The following THSD7A variants were observed in gnomAD, a reference collection of about 807,000 sequenced individuals.
THSD7A encodes the protein thrombospondin type 1 domain containing 7A, also known as thrombospondin type-1 domain-containing protein 7A.
THSD7A carries 96 observed loss-of-function variants against 231.3 expected under a neutral mutation model. That is an observed-to-expected ratio of 0.41 (90% CI 0.35 to 0.49). The LOEUF (loss-of-function observed/expected upper bound fraction) is 0.49. Ranked by LOEUF, THSD7A falls within the 20% of genes least tolerant of loss-of-function variation. THSD7A has a pLI of 0.05. For synonymous variants in THSD7A, 940 were observed against 743.3 expected, an observed-to-expected ratio of 1.26 and a Z score of -4.30; for missense variants, 2,290 against 2,070.2, an observed-to-expected ratio of 1.11 and a Z score of -2.06.
At chr7:11,564,719 G>T (rs1790231567) in intron 4 of THSD7A, among the ~76,000 whole-genome samples, 1 of 152,070 alleles carries the variant, frequency 6.6e-6, no homozygotes, top group South Asian at 2.1e-4. Flanking sequence ...TATAGAGAAA[G>T]GTCCATATGT....
At chr7:11,805,005 G>C (rs962745385) in intron 1 of THSD7A, among the ~76,000 whole-genome samples, 2 of 152,066 alleles carry the variant, frequency 1.3e-5, no homozygotes, top group African/African-American at 4.8e-5. Flanking sequence ...GTAAAGAGCT[G>C]AAACCTTGCA....
intron 1 of THSD7A, among the ~76,000 whole-genome samples, chr7:11,778,205 C>G (rs958745221): frequency 1.2e-4 from 15 of 125,982 alleles, no homozygotes; most frequent in Non-Finnish European, 1.7e-4. Context: ...GTACTAGAAA[C>G]ATGAACAGAT....
intron 9 of THSD7A, among the ~76,000 whole-genome samples, chr7:11,464,949 A>C (rs1475026315): frequency 6.6e-6 from 1 of 152,194 alleles, no homozygotes; most frequent in Non-Finnish European, 1.5e-5. Context: ...GCAGAAAAAA[A>C]GGAAGCTATA....
chr7:11,552,011 T>G (rs1005739462), intron 4 of THSD7A, among the ~76,000 whole-genome samples: 2 of 152,104 alleles, frequency 1.3e-5, no homozygotes, highest in African/African-American at 4.8e-5. Context: ...TCATGTCCTT[T>G]GCAGCAACAT....
Position 11,411,804 on chromosome 7 carries a change from A to G in THSD7A, c.3683-482T>C, listed in dbSNP as rs117094374. Among the ~76,000 whole-genome samples, 164 of 152,282 alleles carry G rather than the reference A, an allele frequency of 1.1e-3. No homozygotes were observed. In the East Asian group the frequency reaches 0.03, roughly 28 times the overall value. On this transcript the variant is annotated intron_variant, in intron 18 of 27. Coordinates refer to ENST00000423059, the MANE Select transcript of THSD7A (RefSeq NM_015204.3). This position sits in a 1 kb window ranked among gnomAD's most constrained non-coding sequence, Gnocchi z 4.1. ...GCATACGTTTATTAAAGTGATAAAAATCACTTTGGCCATATTTATTCATTC... is the reference window on the plus strand; with the variant it reads ...GCATACGTTTATTAAAGTGATAAAAGTCACTTTGGCCATATTTATTCATTC...
rs1780236646 is a variant in THSD7A at position 11,593,287 on chromosome 7, A to G, written c.1238T>C (p.Leu413Ser). ...CPEFEEKEPCLSQGDGVVPCA... is the reference protein window; with the variant it reads ...CPEFEEKEPCSSQGDGVVPCA... ...GGGGACAACTCCATCTCCTTGAGAC[A>G]AACAGGGTTCTTTTTCTTCAAATTC... Residue 413 changes from leucine to serine, a missense_variant, in exon 3 of 28, where the codon TTG (leucine) becomes TCG (serine). Transcript: ENST00000423059. The G allele has an allele frequency of 6.2e-7, 1 of 1,613,876 alleles. No homozygotes were observed. Among genetic ancestry groups the G allele is most frequent in the Non-Finnish European group, 8.5e-7 (1 of 1,179,892 alleles).
chr7:11,396,643 C>T (rs1209230170), intron 23 of THSD7A, among the ~76,000 whole-genome samples: 2 of 152,120 alleles, frequency 1.3e-5, no homozygotes, highest in African/African-American at 2.4e-5. Flanking sequence ...AATTAGTAGC[C>T]TACCAACCAC....
chr7:11,720,331 T>C (rs1340935971), intron 1 of THSD7A, among the ~76,000 whole-genome samples: 1 of 151,768 alleles, frequency 6.6e-6, no homozygotes, highest in East Asian at 2.0e-4. Context: ...AACTTTTCAT[T>C]GTCACACCTA....
chr7:11,512,009 G>A (rs1787829873), intron 6 of THSD7A, among the ~76,000 whole-genome samples: 1 of 152,138 alleles, frequency 6.6e-6, no homozygotes, highest in Non-Finnish European at 1.5e-5. Flanking sequence ...CCTACAGAAT[G>A]GGAGAAAATT....
At chr7:11,678,685 T>A (rs1783742906) in intron 1 of THSD7A, among the ~76,000 whole-genome samples, 4 of 152,128 alleles carry the variant, frequency 2.6e-5, no homozygotes, top group Admixed American at 2.6e-4. Flanking sequence ...TAACAAGTTC[T>A]GAAATGGGTG....
chr7:11,588,241 C>G (rs1779998977), intron 4 of THSD7A, among the ~76,000 whole-genome samples: 1 of 152,140 alleles, frequency 6.6e-6, no homozygotes, highest in Non-Finnish European at 1.5e-5. Context: ...CATGTCACCC[C>G]TGGGATGCTG....
chr7:11,831,681 C>G lies in THSD7A; in HGVS notation c.190+76G>C. 1 of 1,130,922 alleles carries G rather than the reference C, an allele frequency of 8.8e-7. No individual in the cohort carries two copies. Among genetic ancestry groups the G allele is most frequent in the Non-Finnish European group, 1.1e-6 (1 of 875,428 alleles). 70.1% of individuals were successfully genotyped at this position (1,130,922 alleles called of 1,614,324 possible). A position where few individuals can be genotyped will look rare whatever the true frequency, so the allele number is the denominator to read the frequency against. On this transcript the variant is annotated intron_variant, in intron 1 of 27. Transcript: ENST00000423059. The surrounding 1 kb of genome is among the most constrained non-coding windows in gnomAD (Gnocchi z 5.0). ...CCAAGCCATCCAAAAGCACCGGGGTCCCTACAGAAGCCCACCAGCTCCTTA... is the reference window on the plus strand; with the variant it reads ...CCAAGCCATCCAAAAGCACCGGGGTGCCTACAGAAGCCCACCAGCTCCTTA...
At chr7:11,658,786 T>A (rs1156786446) in intron 1 of THSD7A, among the ~76,000 whole-genome samples, 1 of 151,722 alleles carries the variant, frequency 6.6e-6, no homozygotes, top group Non-Finnish European at 1.5e-5. Context: ...GCTACTAGTG[T>A]GGGAATTCCT....
intron 4 of THSD7A, among the ~76,000 whole-genome samples, chr7:11,546,196 G>GCGCGTGTGTGCA (rs770621876): frequency 8.1e-5 from 3 of 36,954 alleles, no homozygotes; most frequent in Non-Finnish European, 9.2e-5. Flanking sequence ...GCTGGTGTGG[G>GCGCGTGTGTGCA]CGCGCGCTCA....
At chr7:11,563,096 T>G (rs745673516) in intron 4 of THSD7A, among the ~76,000 whole-genome samples, 2 of 152,188 alleles carry the variant, frequency 1.3e-5, no homozygotes. Context: ...GCTCAAAGCT[T>G]TTTGGAGATG....
At chr7:11,492,845 C>T (rs1222355422) in intron 6 of THSD7A, among the ~76,000 whole-genome samples, 2 of 151,996 alleles carry the variant, frequency 1.3e-5, no homozygotes, top group East Asian at 3.9e-4. Flanking sequence ...AACTTTGAAC[C>T]GTAAAGACTA....
rs1221301370 is a variant in THSD7A, at chr7:11,637,922, C to A, written c.191-961G>T. Among the ~76,000 whole-genome samples the A allele has an allele frequency of 1.3e-5, 2 of 152,054 alleles. No individual in the cohort carries two copies. Among genetic ancestry groups the A allele is most frequent in the Non-Finnish European group, 2.9e-5 (2 of 68,006 alleles). ...ATTGAGAATTGTATTATTTTGGAAT[C>A]ATAAAGAAACTTAAAGTTCATGTAA... On this transcript the variant is annotated intron_variant, in intron 1 of 27. Coordinates refer to ENST00000423059, the MANE Select transcript of THSD7A (RefSeq NM_015204.3). The surrounding 1 kb of genome is among the most constrained non-coding windows in gnomAD (Gnocchi z 4.2).
rs987972771 is a variant in THSD7A, at chr7:11,637,276, C to T, written c.191-315G>A. 2.6e-5 allele frequency among the ~76,000 whole-genome samples: 4 copies of T among 152,100 alleles called. No individual in the cohort carries two copies. Among genetic ancestry groups the T allele is most frequent in the Admixed American group, 6.6e-5 (1 of 15,266 alleles). ...AGAAATCCTTGCTGATAAAGGACAT[C>T]AGAAATTAGTCACAGTGAAAACTCA... On this transcript the variant is annotated intron_variant, in intron 1 of 27. Coordinates refer to ENST00000423059, the MANE Select transcript of THSD7A (RefSeq NM_015204.3). The surrounding 1 kb of genome is among the most constrained non-coding windows in gnomAD (Gnocchi z 4.2).
At chr7:11,422,853 A>G (rs1302432623) in intron 16 of THSD7A, among the ~76,000 whole-genome samples, 2 of 152,090 alleles carry the variant, frequency 1.3e-5, no homozygotes, top group East Asian at 3.9e-4. Context: ...GGGTTTCACC[A>G]TGTTGGCCAG....
Sources: allele counts gnomAD v4.1 joint callset (sites outside exome capture counted in the v4.1 genomes callset), GRCh38; gene constraint gnomAD v4.1.1; non-coding constraint Gnocchi (gnomAD v3.1); transcripts MANE v1.5; gene names NCBI Gene and HGNC (gene_info 2026-07-23, HGNC 2026-07-21).